The following THAP4 variants were observed in gnomAD, a reference collection of about 807,000 sequenced individuals.
THAP4 encodes the protein peroxynitrite isomerase THAP4.
THAP4 carries 18 observed loss-of-function variants against 48.1 expected under a neutral mutation model. The observed-to-expected ratio is 0.37, with a 90% CI of 0.26 to 0.56. The LOEUF is 0.56. Ranked by LOEUF, THAP4 falls within the 20% of genes least tolerant of loss-of-function variation. THAP4 has a pLI of 0.78. For missense variants in THAP4, 656 were observed against 774.9 expected (o/e 0.85, Z 1.82); for synonymous variants, 345 against 324.9 (o/e 1.06, Z -0.66).
chr2:241,620,223 G>A (rs1403334592), intron 2 of THAP4, among the ~76,000 whole-genome samples: 2 of 90,874 alleles, frequency 2.2e-5, no homozygotes, highest in East Asian at 4.7e-4. Context: ...TGAGTGAGTC[G>A]GTGAGTGAGG....
chr2:241,620,476 T>C (rs565065172), intron 2 of THAP4, among the ~76,000 whole-genome samples: 8 of 93,544 alleles, frequency 8.6e-5, no homozygotes, highest in South Asian at 7.4e-4. Flanking sequence ...GGTGAGTGAG[T>C]TGGTGAGTGA....
chr2:241,629,545 T>C (rs973839905), intron 2 of THAP4, among the ~76,000 whole-genome samples: 21 of 150,714 alleles, frequency 1.4e-4, no homozygotes, highest in Non-Finnish European at 2.4e-4. Flanking sequence ...TGAGGAAGCC[T>C]AACAAATTAA....
chr2:241,600,420 G>C (rs1575022430), intron 5 of THAP4, among the ~76,000 whole-genome samples: 1 of 151,982 alleles, frequency 6.6e-6, no homozygotes, highest in Admixed American at 6.6e-5. Flanking sequence ...AAGGAAAGCT[G>C]TAAGAATACA....
chr2:241,617,475 T>C (rs1361061133), intron 2 of THAP4: 11 of 1,549,324 alleles, frequency 7.1e-6, no homozygotes, highest in Non-Finnish European at 8.7e-6. Context: ...TTTCTGCCAA[T>C]TGACGGGAAA....
rs768061173 is a variant in THAP4, at chr2:241,633,468, T to A, written c.689A>T (p.Lys230Ile). The A allele has an allele frequency of 6.2e-7, 1 of 1,613,866 alleles. No homozygotes were observed. Among genetic ancestry groups the A allele is most frequent in the Non-Finnish European group, 8.5e-7 (1 of 1,179,962 alleles). Residue 230 changes from lysine to isoleucine, a missense_variant, in exon 2 of 6, where the codon AAA becomes ATA. Lys to Ile is a moderately radical substitution (Grantham distance 102). Transcript: ENST00000407315. This position sits in a 1 kb window ranked among gnomAD's most constrained non-coding sequence, Gnocchi z 7.5. ...DFTPPGSGAC[K>I]FIGSLHSYSF... Reference sequence around the variant, plus strand: ...GTACGAATGAAGTGAGCCGATAAATTTGCACGCCCCAGATCCTGGGGGCGT... The same window carrying A: ...GTACGAATGAAGTGAGCCGATAAATATGCACGCCCCAGATCCTGGGGGCGT...
chr2:241,587,499 T>C (rs6437266), intron 5 of THAP4, among the ~76,000 whole-genome samples: 50,768 of 152,002 alleles, frequency 0.33, 8,864 homozygotes, highest in South Asian at 0.46. Flanking sequence ...TTCCAGCTTG[T>C]GGAGGGGACT....
intron 2 of THAP4, among the ~76,000 whole-genome samples, chr2:241,624,618 T>G (rs943773129): frequency 3.3e-5 from 5 of 152,206 alleles, no homozygotes; most frequent in Non-Finnish European, 1.5e-5. Context: ...CACAGATGTG[T>G]TCACCAACCT....
At chr2:241,595,755 C>T (rs1229438038) in intron 5 of THAP4, among the ~76,000 whole-genome samples, 6 of 152,200 alleles carry the variant, frequency 3.9e-5, no homozygotes, top group Non-Finnish European at 7.3e-5. Flanking sequence ...ACCAGCTCCC[C>T]GTACCGAGGC....
chr2:241,619,884 GTGA>G (rs1162351934), intron 2 of THAP4, among the ~76,000 whole-genome samples: 1 of 111,610 alleles, frequency 9.0e-6, no homozygotes, highest in Non-Finnish European at 1.9e-5. Flanking sequence ...TGAGGGGTGA[GTGA>G]GGGGTGAGTC....
At chr2:241,617,476 T>C (rs2067362203) in intron 2 of THAP4, 2 of 1,548,888 alleles carry the variant, frequency 1.3e-6, no homozygotes, top group African/African-American at 2.7e-5. Context: ...TTCTGCCAAT[T>C]GACGGGAAAT....
Position 241,601,807 on chromosome 2 carries a change from C to T in THAP4, c.1614+89G>A, listed in dbSNP as rs192365557. On this transcript the variant is annotated intron_variant, in intron 5 of 5. Coordinates refer to ENST00000407315, the MANE Select transcript of THAP4 (RefSeq NM_015963.6). The surrounding 1 kb of genome is among the most constrained non-coding windows in gnomAD (Gnocchi z 4.0). ...GCCTGTGAGACACAGTGGCAAGACACGCACTACCTCACGGAAGAGGAAGAG... is the reference window on the plus strand; with the variant it reads ...GCCTGTGAGACACAGTGGCAAGACATGCACTACCTCACGGAAGAGGAAGAG... The T allele has an allele frequency of 6.5e-5, 102 of 1,571,790 alleles. 1 individual carries two copies. In the Admixed American group the frequency reaches 9.1e-4, roughly 14 times the overall value.
chr2:241,602,039 G>A (rs111561221), intron 4 of THAP4, 40 bp from the exon 5 acceptor site: 167 of 1,593,092 alleles, frequency 1.0e-4, no homozygotes, highest in South Asian at 8.9e-4. Context: ...GCAGCTGCTC[G>A]GCTTGCAGAG....
intron 3 of THAP4, 41 bp downstream of exon 3, chr2:241,606,273 C>T (rs974041924): frequency 4.6e-6 from 7 of 1,508,512 alleles, no homozygotes; most frequent in Non-Finnish European, 6.3e-6. Flanking sequence ...ACCTAGGCGG[C>T]CCATGAGTCA....
Position 241,637,050 on chromosome 2 carries a change from C to T in THAP4, c.-33G>A. On this transcript the variant is annotated 5_prime_UTR_variant, in exon 1 of 6. Transcript: ENST00000407315. The stretch of plus-strand genomic sequence containing the variant: ...CTTGGCCCAGCCGCGCAGCCAGGCC[C>T]CGGCCCTAGCCGCCCGCCCGCCCGC... 2 of 1,152,694 alleles carry T rather than the reference C, an allele frequency of 1.7e-6. No homozygotes were observed. Among genetic ancestry groups the T allele is most frequent in the Non-Finnish European group, 2.2e-6 (2 of 925,864 alleles). The allele number at this position is 1,152,694 out of a possible 1,614,324, so 71.4% of individuals were successfully genotyped here.
intron 5 of THAP4, 130 bp from the exon 6 acceptor site, chr2:241,584,855 G>T: frequency 8.3e-7 from 1 of 1,201,060 alleles, no homozygotes; most frequent in Non-Finnish European, 1.2e-6. Context: ...CCAGAGGAGG[G>T]TAGACACACA....
chr2:241,588,004 T>G (rs6437267), intron 5 of THAP4, among the ~76,000 whole-genome samples: 1 of 148,788 alleles, frequency 6.7e-6, no homozygotes, highest in Admixed American at 6.8e-5. Context: ...AAGAAAAAAG[T>G]AAAAAGGAGA....
At chr2:241,629,080 T>C (rs923495222) in intron 2 of THAP4, among the ~76,000 whole-genome samples, 4 of 152,142 alleles carry the variant, frequency 2.6e-5, no homozygotes, top group Non-Finnish European at 5.9e-5. Flanking sequence ...GCACCGGAAC[T>C]AAGATGACAT....
chr2:241,601,716 A>G lies in THAP4; in HGVS notation c.1614+180T>C, dbSNP rs1012370942. 7 of 1,173,230 alleles carry G rather than the reference A, an allele frequency of 6.0e-6. No individual in the cohort carries two copies. Among genetic ancestry groups the G allele is most frequent in the African/African-American group, 4.6e-5 (3 of 65,092 alleles). The allele number at this position is 1,173,230 out of a possible 1,614,324, so 72.7% of individuals were successfully genotyped here. On this transcript the variant is annotated intron_variant, in intron 5 of 5. Coordinates refer to ENST00000407315, the MANE Select transcript of THAP4 (RefSeq NM_015963.6). This position sits in a 1 kb window ranked among gnomAD's most constrained non-coding sequence, Gnocchi z 4.0. ...ACCACTGACCAGCCGAGGAGGGGGC[A>G]ATGAATTTAGGGAACATCCACCCTG...
chr2:241,610,814 C>T lies in THAP4; in HGVS notation c.1241-4341G>A, dbSNP rs1258914590. Among the ~76,000 whole-genome samples the T allele has an allele frequency of 6.6e-6, 1 of 151,830 alleles. No individual in the cohort carries two copies. The highest frequency in any genetic ancestry group is 2.1e-4 in the South Asian group (1 of 4,814). ...GGACAGAGCCAGGGACAGCGAGAGACGGGACGGGGACAGAGACACAGAGAC... is the reference window on the plus strand; with the variant it reads ...GGACAGAGCCAGGGACAGCGAGAGATGGGACGGGGACAGAGACACAGAGAC... On this transcript the variant is annotated intron_variant, in intron 2 of 5. Coordinates refer to ENST00000407315, the MANE Select transcript of THAP4 (RefSeq NM_015963.6). The surrounding 1 kb of genome is among the most constrained non-coding windows in gnomAD (Gnocchi z 4.2).
Sources: gnomAD v4.1 joint callset for allele counts (sites outside exome capture counted in the v4.1 genomes callset) on GRCh38, gnomAD v4.1.1 for gene constraint, Gnocchi (gnomAD v3.1) non-coding constraint, MANE v1.5 for transcripts, NCBI Gene and HGNC (gene_info 2026-07-23, HGNC 2026-07-21) for gene names.